The following TOGARAM2 variants were observed in gnomAD, a reference collection of about 807,000 sequenced individuals.
TOGARAM2 encodes the protein TOG array regulator of axonemal microtubules 2, also known as TOG array regulator of axonemal microtubules protein 2.
A neutral mutation model predicts 93.3 loss-of-function variants in TOGARAM2; 85 were observed. The ratio of observed to expected loss-of-function variants is 0.91; its 90% CI spans 0.76 to 1.09. The LOEUF (loss-of-function observed/expected upper bound fraction) is 1.09, where lower values mean the gene tolerates loss of function less well. Among genes scored for constraint, TOGARAM2 ranks in the 50% least tolerant of loss-of-function variants. The pLI is 0.00. For synonymous variants in TOGARAM2, 593 were observed against 552.8 expected (o/e 1.07, Z -1.02); for missense variants, 1,277 against 1,334.5 (o/e 0.96, Z 0.67).
chr2:29,033,489 A>C lies in TOGARAM2; in HGVS notation c.2151A>C (p.Glu717Asp). ...TCAAGGGAATAGAAGATAATGATGAACTTCCCTCTGCCAAAGGCCGCAAGG... is the reference window on the plus strand; with the variant it reads ...TCAAGGGAATAGAAGATAATGATGACCTTCCCTCTGCCAAAGGCCGCAAGG... ...IKQQGIEDND[E>D]LPSAKGRKVL... is the part of the protein sequence containing the mutation. Residue 717 changes from glutamate to aspartate, a missense_variant, in exon 16 of 20, where the codon GAA becomes GAC. Transcript: ENST00000379558. The C allele has an allele frequency of 6.2e-7, 1 of 1,613,474 alleles. No homozygotes were observed. The highest frequency in any genetic ancestry group is 2.2e-5 in the East Asian group (1 of 44,876).
At chr2:29,004,960 A>ATGTG (rs1279089346) in intron 6 of TOGARAM2, among the ~76,000 whole-genome samples, 2,803 of 116,296 alleles carry the variant, frequency 0.024, 369 homozygotes, top group African/African-American at 0.099. Flanking sequence ...GTGCATGTGT[A>ATGTG]TGTGTGTGAG....
chr2:28,997,433 C>T (rs74444058), intron 2 of TOGARAM2, among the ~76,000 whole-genome samples: 4,705 of 152,296 alleles, frequency 0.031, 232 homozygotes, highest in African/African-American at 0.1. Context: ...CTCCCAGGCC[C>T]CGCACTGTCA....
intron 1 of TOGARAM2, among the ~76,000 whole-genome samples, chr2:28,971,314 C>T (rs577956059): frequency 4.8e-4 from 73 of 152,114 alleles, no homozygotes; most frequent in African/African-American, 1.7e-3. Context: ...CAGGCTCAAG[C>T]GATCCTCCCA....
intron 1 of TOGARAM2, among the ~76,000 whole-genome samples, chr2:28,994,083 T>A (rs1672870457): frequency 1.3e-5 from 2 of 152,026 alleles, no homozygotes; most frequent in Non-Finnish European, 2.9e-5. Context: ...TGAGACCCTG[T>A]CACATGGAAA....
intron 14 of TOGARAM2, among the ~76,000 whole-genome samples, chr2:29,029,546 G>A (rs1665623334): frequency 6.6e-6 from 1 of 151,956 alleles, no homozygotes; most frequent in Non-Finnish European, 1.5e-5. Flanking sequence ...CACAAGGTCA[G>A]GAGATCGAGA....
At chr2:28,992,478 C>G in intron 1 of TOGARAM2, among the ~76,000 whole-genome samples, 1 of 152,082 alleles carries the variant, frequency 6.6e-6, no homozygotes, top group Non-Finnish European at 1.5e-5. Flanking sequence ...CAGGGGGAAC[C>G]TGGGCTGCCT....
intron 1 of TOGARAM2, among the ~76,000 whole-genome samples, chr2:28,987,785 T>G (rs1250490996): frequency 6.6e-6 from 1 of 152,222 alleles, no homozygotes; most frequent in East Asian, 1.9e-4. Context: ...AGACGCCATC[T>G]GCAGCAGTGG....
chr2:29,004,097 G>A lies in TOGARAM2; in HGVS notation c.830+415G>A, dbSNP rs186563778. 2.6e-3 allele frequency among the ~76,000 whole-genome samples: 395 copies of A among 152,294 alleles called. 2 individuals are homozygous for A. The highest frequency in any genetic ancestry group is 8.8e-3 in the African/African-American group (365 of 41,558). ...TGCAACCTCCGCCTCCCGGGTTCAAGCGATTCTCCTGAGTAGCTGGGATTA... is the reference window on the plus strand; with the variant it reads ...TGCAACCTCCGCCTCCCGGGTTCAAACGATTCTCCTGAGTAGCTGGGATTA... On this transcript the variant is annotated intron_variant, in intron 6 of 19. Transcript: ENST00000379558.
intron 13 of TOGARAM2, 70 bp from the exon 14 acceptor site, chr2:29,026,783 A>G: frequency 7.1e-7 from 1 of 1,418,414 alleles, no homozygotes; most frequent in Non-Finnish European, 9.3e-7. Context: ...TGGTAGATCC[A>G]TGTTTGCCAG....
intron 4 of TOGARAM2, among the ~76,000 whole-genome samples, chr2:29,001,563 C>T (rs548988114): frequency 3.5e-4 from 53 of 151,362 alleles, no homozygotes; most frequent in Non-Finnish European, 6.9e-4. Flanking sequence ...TGCAGTGGTG[C>T]GATCTCGGCT....
intron 1 of TOGARAM2, among the ~76,000 whole-genome samples, chr2:28,992,287 A>T (rs558117258): frequency 6.6e-6 from 1 of 152,094 alleles, no homozygotes; most frequent in African/African-American, 2.4e-5. Flanking sequence ...GTTTGTCCAT[A>T]GCAGCTTTGG....
chr2:29,014,639 G>C, intron 8 of TOGARAM2, 78 bp downstream of exon 8: 1 of 1,495,864 alleles, frequency 6.7e-7, no homozygotes, highest in Non-Finnish European at 9.0e-7. Flanking sequence ...AGTGTCTGAA[G>C]TATTCAAGAG....
chr2:28,968,734 A>G (rs896062470), intron 1 of TOGARAM2, among the ~76,000 whole-genome samples: 1 of 149,876 alleles, frequency 6.7e-6, no homozygotes, highest in African/African-American at 2.5e-5. Flanking sequence ...TAGGAGGATC[A>G]CTGAGCCCAG....
chr2:29,004,749 T>TAC (rs56779102), intron 6 of TOGARAM2, among the ~76,000 whole-genome samples: 100,086 of 144,572 alleles, frequency 0.69, 34,959 homozygotes, highest in Middle Eastern at 0.8. Flanking sequence ...CATGTGTGTG[T>TAC]GTGTCTGAGT....
At chr2:29,047,780 G>C (rs1296014583) in intron 19 of TOGARAM2, 1 of 152,250 alleles carries the variant, frequency 6.6e-6, no homozygotes, top group Non-Finnish European at 1.5e-5. Context: ...TACTCTTCCT[G>C]TGGAGTGAGC....
At chr2:29,005,448 T>G (rs1358062068) in intron 6 of TOGARAM2, among the ~76,000 whole-genome samples, 1 of 147,944 alleles carries the variant, frequency 6.8e-6, no homozygotes, top group Non-Finnish European at 1.5e-5. Context: ...AGTGCATGTA[T>G]GTGAGAGCAT....
intron 1 of TOGARAM2, among the ~76,000 whole-genome samples, chr2:28,991,756 G>C (rs1188299352): frequency 1.3e-5 from 2 of 152,170 alleles, no homozygotes; most frequent in African/African-American, 4.8e-5. Flanking sequence ...GCCAGCCCTA[G>C]CTAGCTTTTG....
At chr2:28,985,826 G>A (rs1672440318) in intron 1 of TOGARAM2, among the ~76,000 whole-genome samples, 1 of 152,204 alleles carries the variant, frequency 6.6e-6, no homozygotes, top group South Asian at 2.1e-4. Flanking sequence ...TGGAGAAGAT[G>A]TAGTGTGAGG....
At chr2:29,015,581 C>T (rs1251872489) in intron 8 of TOGARAM2, among the ~76,000 whole-genome samples, 1 of 152,220 alleles carries the variant, frequency 6.6e-6, no homozygotes, top group Non-Finnish European at 1.5e-5. Context: ...TCTCTTCTCT[C>T]CTTTGTCCAC....
Sources: allele counts gnomAD v4.1 joint callset (sites outside exome capture counted in the v4.1 genomes callset), GRCh38; gene constraint gnomAD v4.1.1; transcripts MANE v1.5; gene names NCBI Gene and HGNC (gene_info 2026-07-23, HGNC 2026-07-21).